The following COL5A2 variants were observed in gnomAD, a reference collection of about 807,000 sequenced individuals.
The protein encoded by COL5A2 is collagen type V alpha 2 chain.
In COL5A2, 23 loss-of-function variants were observed where a neutral mutation model predicts 208.2. That is an observed-to-expected ratio of 0.11 (90% CI 0.08 to 0.16). The LOEUF is 0.16. COL5A2 is among the 10% of genes least tolerant of loss of function. The pLI, the probability that COL5A2 is intolerant of heterozygous loss-of-function variation, is 1.00. For synonymous variants in COL5A2, 625 were observed against 628.5 expected, an observed-to-expected ratio of 0.99 and a Z score of 0.08; for missense variants, 1,590 against 1,956.4, an observed-to-expected ratio of 0.81 and a Z score of 3.53.
intron 1 of COL5A2, among the ~76,000 whole-genome samples, chr2:189,199,140 T>C (rs775427727): frequency 6.6e-6 from 1 of 152,218 alleles, no homozygotes; most frequent in South Asian, 2.1e-4. Flanking sequence ...ACTAAATCTT[T>C]TTGAAACTTT....
Position 189,080,049 on chromosome 2 carries a change from A to C in COL5A2, c.907-18T>G. The C allele has an allele frequency of 6.2e-7, 1 of 1,604,330 alleles. No homozygotes were observed. Among genetic ancestry groups the C allele is most frequent in the Non-Finnish European group, 8.5e-7 (1 of 1,171,478 alleles). On this transcript the variant is annotated intron_variant, in intron 13 of 53. Coordinates refer to ENST00000374866, the MANE Select transcript of COL5A2 (RefSeq NM_000393.5). ...TTGTGTCCCTGAGAATAAAAATGTA[A>C]ATTTGTATTTGTATCCTGTTTTTTT...
chr2:189,387,571 TA>T, the COL5A2 span, among the ~76,000 whole-genome samples: 1 of 152,326 alleles, frequency 6.6e-6, no homozygotes, highest in South Asian at 2.1e-4. Flanking sequence ...TTCTGTTTGC[TA>T]ATATTTTACT....
At chr2:189,436,120 T>G in the COL5A2 span, among the ~76,000 whole-genome samples, 1 of 152,106 alleles carries the variant, frequency 6.6e-6, no homozygotes. Flanking sequence ...AGGTGGGAAT[T>G]GAACAATGAG....
the COL5A2 span, among the ~76,000 whole-genome samples, chr2:189,350,857 A>G: frequency 1.3e-5 from 2 of 152,196 alleles, no homozygotes; most frequent in African/African-American, 4.8e-5. Flanking sequence ...CATGTCTGCA[A>G]CCAAATTTAC....
the COL5A2 span, among the ~76,000 whole-genome samples, chr2:189,244,076 T>G: frequency 4.6e-5 from 7 of 152,146 alleles, no homozygotes; most frequent in Non-Finnish European, 1.0e-4. Flanking sequence ...CACTTTTTCC[T>G]CCTAGGCCTC....
the COL5A2 span, among the ~76,000 whole-genome samples, chr2:189,408,042 A>T: frequency 6.6e-6 from 1 of 152,260 alleles, no homozygotes; most frequent in East Asian, 1.9e-4. Flanking sequence ...GATTGAGTTG[A>T]CTGGCTCTGC....
At chr2:189,089,779 T>C (rs1337346710) in intron 7 of COL5A2, among the ~76,000 whole-genome samples, 1 of 152,316 alleles carries the variant, frequency 6.6e-6, no homozygotes, top group East Asian at 1.9e-4. Flanking sequence ...GTGATCTTGA[T>C]GTTACTAAAG....
chr2:189,061,973 G>A (rs1686041405), intron 29 of COL5A2, among the ~76,000 whole-genome samples: 1 of 151,926 alleles, frequency 6.6e-6, no homozygotes, highest in Non-Finnish European at 1.5e-5. Context: ...GTTTATTTCT[G>A]AATGTCTTAA....
At chr2:189,108,009 G>A (rs1336060140) in intron 2 of COL5A2, among the ~76,000 whole-genome samples, 1 of 151,588 alleles carries the variant, frequency 6.6e-6, no homozygotes, top group Non-Finnish European at 1.5e-5. Flanking sequence ...TTGTTCATGT[G>A]ATTTGTCAGG....
chr2:189,279,496 G>A, the COL5A2 span, among the ~76,000 whole-genome samples: 1 of 148,578 alleles, frequency 6.7e-6, no homozygotes. Flanking sequence ...CACAATGTTG[G>A]CCAAAATCTT....
chr2:189,242,045 A>G, the COL5A2 span, among the ~76,000 whole-genome samples: 4 of 152,140 alleles, frequency 2.6e-5, no homozygotes, highest in East Asian at 5.8e-4. Flanking sequence ...ACTGTTGTCT[A>G]TTGGGGTTCC....
chr2:189,260,726 G>T, the COL5A2 span, among the ~76,000 whole-genome samples: 1 of 152,146 alleles, frequency 6.6e-6, no homozygotes, highest in Non-Finnish European at 1.5e-5. Flanking sequence ...AAGAAAGGTG[G>T]TGACCAGATG....
chr2:189,175,795 C>T (rs1288343721), intron 1 of COL5A2, among the ~76,000 whole-genome samples: 2 of 152,050 alleles, frequency 1.3e-5, no homozygotes, highest in African/African-American at 4.8e-5. Flanking sequence ...TCAGGTGATC[C>T]GCCCACCTCG....
At chr2:189,209,789 C>A (rs529827274) in intron 1 of COL5A2, among the ~76,000 whole-genome samples, 3 of 152,296 alleles carry the variant, frequency 2.0e-5, no homozygotes, top group African/African-American at 7.2e-5. Flanking sequence ...ACAGAAAGAT[C>A]AGTTTGGGGT....
At chr2:189,418,962 C>G in the COL5A2 span, among the ~76,000 whole-genome samples, 1 of 152,074 alleles carries the variant, frequency 6.6e-6, no homozygotes, top group Non-Finnish European at 1.5e-5. Flanking sequence ...AGTGGGTGAT[C>G]CAAATGTAAT....
chr2:189,427,671 C>T, the COL5A2 span, among the ~76,000 whole-genome samples: 122 of 152,326 alleles, frequency 8.0e-4, no homozygotes, highest in African/African-American at 2.7e-3. Context: ...CCCAAGGCTT[C>T]GGGAGCCCAC....
At chr2:189,267,709 C>G in the COL5A2 span, among the ~76,000 whole-genome samples, 1 of 152,008 alleles carries the variant, frequency 6.6e-6, no homozygotes, top group African/African-American at 2.4e-5. Flanking sequence ...TGACTCCTAC[C>G]AAGTCCAGAG....
chr2:189,294,288 G>A, the COL5A2 span, among the ~76,000 whole-genome samples: 1 of 152,054 alleles, frequency 6.6e-6, no homozygotes, highest in Non-Finnish European at 1.5e-5. Flanking sequence ...TAAAATGAAA[G>A]CTATTTAATA....
chr2:189,290,040 G>T, the COL5A2 span, among the ~76,000 whole-genome samples: 1 of 152,124 alleles, frequency 6.6e-6, no homozygotes, highest in Non-Finnish European at 1.5e-5. Context: ...TGAGCAAAAA[G>T]AATGAAATTG....
Sources: allele counts gnomAD v4.1 joint callset (sites outside exome capture counted in the v4.1 genomes callset), GRCh38; gene constraint gnomAD v4.1.1; transcripts MANE v1.5; gene names NCBI Gene and HGNC (gene_info 2026-07-23, HGNC 2026-07-21).